Variants in EPHB3 observed in about 807,000 individuals in gnomAD.
EPHB3 encodes the protein EPH receptor B3.
EPHB3 carries 33 observed loss-of-function variants against 100.2 expected under a neutral mutation model. The ratio of observed to expected loss-of-function variants is 0.33; its 90% CI spans 0.25 to 0.44. The LOEUF is 0.44. EPHB3 is among the 20% of genes least tolerant of loss of function. The pLI, the probability that EPHB3 is intolerant of heterozygous loss-of-function variation, is 1.00. For missense variants in EPHB3, 1,045 were observed against 1,378.3 expected, an observed-to-expected ratio of 0.76 and a Z score of 3.83; for synonymous variants, 526 against 554.7, an observed-to-expected ratio of 0.95 and a Z score of 0.73.
chr3:184,578,311 T>A lies in EPHB3; in HGVS notation c.1749-103T>A. The A allele has an allele frequency of 1.3e-6, 2 of 1,532,110 alleles. No homozygotes were observed. Among genetic ancestry groups the A allele is most frequent in the South Asian group, 1.2e-5 (1 of 85,402 alleles). The allele number at this position is 1,532,110 out of a possible 1,614,324, so 94.9% of individuals were successfully genotyped here. A position where few individuals can be genotyped will look rare whatever the true frequency, so the allele number is the denominator to read the frequency against. ...AATTGTGGGACTAGGCCCCAGGCCA[T>A]CCCCTGTATCCTCTCCGCCCCTTCT... On this transcript the variant is annotated intron_variant, in intron 8 of 15. Transcript: ENST00000330394. This position sits in a 1 kb window ranked among gnomAD's most constrained non-coding sequence, Gnocchi z 4.7.
chr3:184,581,150 C>A lies in EPHB3; in HGVS notation c.2717C>A (p.Ala906Asp). 1 of 1,614,084 alleles carries A rather than the reference C, an allele frequency of 6.2e-7. No homozygotes were observed. The highest frequency in any genetic ancestry group is 8.5e-7 in the Non-Finnish European group (1 of 1,179,986). Reference protein sequence around the residue: ...IRNAASLKVIASAQSGMSQPL... With the variant: ...IRNAASLKVIDSAQSGMSQPL... Reference sequence around the variant, plus strand: ...AATGCTGCCAGCCTCAAGGTCATTGCCAGCGCTCAGTCTGGGTTAGTACCT... The same window carrying A: ...AATGCTGCCAGCCTCAAGGTCATTGACAGCGCTCAGTCTGGGTTAGTACCT... The change falls in exon 14 of 16, where the codon GCC becomes GAC. Residue 906 changes from alanine (A) to aspartate (D), a missense_variant. Coordinates refer to ENST00000330394, the MANE Select transcript of EPHB3 (RefSeq NM_004443.4).
Position 184,577,512 on chromosome 3 carries a change from C to G in EPHB3, c.1479+45C>G. On this transcript the variant is annotated intron_variant, in intron 6 of 15. Transcript: ENST00000330394. This position sits in a 1 kb window ranked among gnomAD's most constrained non-coding sequence, Gnocchi z 4.9. ...GGAGGAGGCCTTGGGCTGAGCTGGGCTGAGAAAATTACCCCCGGATCATGA... is the reference window on the plus strand; with the variant it reads ...GGAGGAGGCCTTGGGCTGAGCTGGGGTGAGAAAATTACCCCCGGATCATGA... 1 of 1,609,686 alleles carries G rather than the reference C, an allele frequency of 6.2e-7. No individual in the cohort carries two copies. The highest frequency in any genetic ancestry group is 8.5e-7 in the Non-Finnish European group (1 of 1,177,624).
chr3:184,578,554 C>G lies in EPHB3; in HGVS notation c.1801+88C>G. 6.4e-7 allele frequency: 1 copy of G among 1,563,196 alleles called. No individual in the cohort carries two copies. The highest frequency in any genetic ancestry group is 1.7e-5 in the Admixed American group (1 of 58,018). On this transcript the variant is annotated intron_variant, in intron 9 of 15. Transcript: ENST00000330394. The surrounding 1 kb of genome is among the most constrained non-coding windows in gnomAD (Gnocchi z 4.7). The stretch of plus-strand genomic sequence containing the variant: ...CTTCTCCCTGCCTGGGACTTCATTC[C>G]TTAGAGATAAACCCTGAATGCCCCC...
chr3:184,576,103 AG>A lies in EPHB3; in HGVS notation c.1012+121del, dbSNP rs1175248238. ...TTTTCCAGGGAAGGAGCTGAGGCTC[AG>A]GGAAGTTAGATGTTGCGCTCAACAT... On this transcript the variant is annotated intron_variant, in intron 4 of 15. Transcript: ENST00000330394. The A allele has an allele frequency of 4.0e-5, 55 of 1,380,072 alleles. 3 individuals carry two copies. The South Asian group carries it at 6.6e-4, about 17-fold the overall frequency. 85.5% of individuals were successfully genotyped at this position (1,380,072 alleles called of 1,614,324 possible).
At chr3:184,564,507 A>C (rs1009152591) in intron 1 of EPHB3, among the ~76,000 whole-genome samples, 1 of 152,236 alleles carries the variant, frequency 6.6e-6, no homozygotes, top group Admixed American at 6.5e-5. Flanking sequence ...TAATGTGTGC[A>C]AAGTGCTTAG....
In EPHB3 at chr3:184,579,127, T is replaced by C. The variant is rs570765182; in HGVS notation, c.1802-350T>C. On this transcript the variant is annotated intron_variant, in intron 9 of 15. Coordinates refer to ENST00000330394, the MANE Select transcript of EPHB3 (RefSeq NM_004443.4). This position sits in a 1 kb window ranked among gnomAD's most constrained non-coding sequence, Gnocchi z 5.2. ...GGATTGTTTTAGGAAGACAGCGGTA[T>C]GCAGGATAGCTCGGTGGGAAAAGTC... Among the ~76,000 whole-genome samples, 6 of 152,058 alleles carry C rather than the reference T, an allele frequency of 3.9e-5. No homozygotes were observed. The highest frequency in any genetic ancestry group is 1.2e-4 in the African/African-American group (5 of 41,402).
rs1053931791 is a variant in EPHB3, at chr3:184,569,143, G to A, written c.119-2175G>A. ...GAAGGAAGTGAGGGAGAGGGAGGAG[G>A]GAGGCGGCGCGAGGGAGCGGCTGGA... On this transcript the variant is annotated intron_variant, in intron 1 of 15. Coordinates refer to ENST00000330394, the MANE Select transcript of EPHB3 (RefSeq NM_004443.4). The surrounding 1 kb of genome is among the most constrained non-coding windows in gnomAD (Gnocchi z 5.4). Among the ~76,000 whole-genome samples the A allele has an allele frequency of 6.9e-4, 105 of 152,276 alleles. No homozygotes were observed. Among genetic ancestry groups the A allele is most frequent in the Middle Eastern group, 3.4e-3 (1 of 292 alleles).
rs757367016 is a variant in EPHB3, at chr3:184,581,636, G to C, written c.*14G>C. The C allele has an allele frequency of 5.0e-6, 8 of 1,594,174 alleles. No individual in the cohort carries two copies. The East Asian group carries it at 1.6e-4, about 32-fold the overall frequency. ...GTGCAGGTCTGACACCGGCTCCCACGGGGACCCTGAGGACCGTGCAGGGAT... is the reference window on the plus strand; with the variant it reads ...GTGCAGGTCTGACACCGGCTCCCACCGGGACCCTGAGGACCGTGCAGGGAT... On this transcript the variant is annotated 3_prime_UTR_variant, in exon 16 of 16. Coordinates refer to ENST00000330394, the MANE Select transcript of EPHB3 (RefSeq NM_004443.4).
Position 184,572,953 on chromosome 3 carries a change from G to A in EPHB3, c.633G>A (p.Lys211=), listed in dbSNP as rs1387976597. The change falls in exon 3 of 16, where the codon AAG becomes AAA. Residue 211 remains lysine, a synonymous_variant. Coordinates refer to ENST00000330394, the MANE Select transcript of EPHB3 (RefSeq NM_004443.4). The surrounding 1 kb of genome is among the most constrained non-coding windows in gnomAD (Gnocchi z 6.6). ...SLISVRAFYK[K]CASTTAGFAL... The stretch of plus-strand genomic sequence containing the variant: ...TCTCCGTGCGCGCCTTCTACAAGAA[G>A]TGTGCATCCACCACCGCAGGCTTCG... 3 of 1,585,030 alleles carry A rather than the reference G, an allele frequency of 1.9e-6. No individual in the cohort carries two copies. Among genetic ancestry groups the A allele is most frequent in the Non-Finnish European group, 8.6e-7 (1 of 1,164,088 alleles).
At chr3:184,568,798 A>C (rs2108435279) in intron 1 of EPHB3, among the ~76,000 whole-genome samples, 1 of 152,326 alleles carries the variant, frequency 6.6e-6, no homozygotes, top group South Asian at 2.1e-4. Context: ...CATGACTCGA[A>C]ACCCAAGTCC....
rs1714592489 is a variant in EPHB3, at chr3:184,573,443, C to T, written c.856+267C>T. Among the ~76,000 whole-genome samples the T allele has an allele frequency of 1.3e-5, 2 of 152,166 alleles. No homozygotes were observed. Among genetic ancestry groups the T allele is most frequent in the South Asian group, 4.1e-4 (2 of 4,826 alleles). ...GAAGAGAAGCATGCAGAATCCTTGG[C>T]AAGCAGGCACCTGGAGAACGCAGTC... On this transcript the variant is annotated intron_variant, in intron 3 of 15. Coordinates refer to ENST00000330394, the MANE Select transcript of EPHB3 (RefSeq NM_004443.4). This position sits in a 1 kb window ranked among gnomAD's most constrained non-coding sequence, Gnocchi z 4.5.
In EPHB3 at chr3:184,581,461, C is replaced by G. The variant is rs1002854397; in HGVS notation, c.2888+53C>G. 3.1e-6 allele frequency: 5 copies of G among 1,593,308 alleles called. No individual in the cohort carries two copies. The African/African-American group carries it at 6.7e-5, about 21-fold the overall frequency. ...AGGGCAGGGGGCCCTAGGCTGGGCC[C>G]AGAGTTGAGGGCACGAGGAAAGGGA... On this transcript the variant is annotated intron_variant, in intron 15 of 15. Transcript: ENST00000330394.
In EPHB3 at chr3:184,578,222, G is replaced by A; in HGVS notation, c.1749-192G>A. 1.1e-6 allele frequency: 1 copy of A among 899,618 alleles called. No homozygotes were observed. The highest frequency in any genetic ancestry group is 1.7e-5 in the South Asian group (1 of 58,638). The allele number at this position is 899,618 out of a possible 1,614,324, so 55.7% of individuals were successfully genotyped here. A position where few individuals can be genotyped will look rare whatever the true frequency, so the allele number is the denominator to read the frequency against. ...ACCCCATTCCCTGAATCTCCGGGCA[G>A]GTTCCCTAGGGACTGAGTCCACTGA... On this transcript the variant is annotated intron_variant, in intron 8 of 15. Transcript: ENST00000330394. The surrounding 1 kb of genome is among the most constrained non-coding windows in gnomAD (Gnocchi z 4.7).
rs1037018342 is a variant in EPHB3 at position 184,579,139 on chromosome 3, C to T, written c.1802-338C>T. 1.3e-5 allele frequency among the ~76,000 whole-genome samples: 2 copies of T among 152,102 alleles called. No homozygotes were observed. Among genetic ancestry groups the T allele is most frequent in the South Asian group, 2.1e-4 (1 of 4,800 alleles). ...GAAGACAGCGGTATGCAGGATAGCTCGGTGGGAAAAGTCCAGAGGCAGAGA... is the reference window on the plus strand; with the variant it reads ...GAAGACAGCGGTATGCAGGATAGCTTGGTGGGAAAAGTCCAGAGGCAGAGA... On this transcript the variant is annotated intron_variant, in intron 9 of 15. Coordinates refer to ENST00000330394, the MANE Select transcript of EPHB3 (RefSeq NM_004443.4). The surrounding 1 kb of genome is among the most constrained non-coding windows in gnomAD (Gnocchi z 5.2).
chr3:184,578,067 G>A lies in EPHB3; in HGVS notation c.1748+61G>A. ...TCGAACTGCCCTTTAGCATCCTAGA[G>A]CCCTCATGCCACAGAGATGAGCCGC... On this transcript the variant is annotated intron_variant, in intron 8 of 15. Coordinates refer to ENST00000330394, the MANE Select transcript of EPHB3 (RefSeq NM_004443.4). The surrounding 1 kb of genome is among the most constrained non-coding windows in gnomAD (Gnocchi z 4.7). 1 of 1,560,286 alleles carries A rather than the reference G, an allele frequency of 6.4e-7. No homozygotes were observed. The highest frequency in any genetic ancestry group is 8.8e-7 in the Non-Finnish European group (1 of 1,141,872).
intron 3 of EPHB3, chr3:184,575,162 G>A (rs1714640392): frequency 2.0e-6 from 2 of 985,440 alleles, no homozygotes; most frequent in Non-Finnish European, 1.2e-6. Flanking sequence ...AGGGAAGACT[G>A]GGGAGAAGGG....
Position 184,562,287 on chromosome 3 carries a change from C to A in EPHB3, c.52C>A (p.Pro18Thr). The stretch of plus-strand genomic sequence containing the variant: ...GCCGTCGCCGCCGCCGGGGCTTCTG[C>A]CGCTGCTCCCTCCGCTGCTGCTGCT... ...PPPSPPPGLL[P>T]LLPPLLLLPL... The change falls in exon 1 of 16, where the codon CCG (proline) becomes ACG (threonine). Residue 18 changes from proline to threonine, a missense_variant. By Grantham distance (38) the Pro-to-Thr change is conservative. Coordinates refer to ENST00000330394, the MANE Select transcript of EPHB3 (RefSeq NM_004443.4). This position sits in a 1 kb window ranked among gnomAD's most constrained non-coding sequence, Gnocchi z 4.8. 1 of 1,235,366 alleles carries A rather than the reference C, an allele frequency of 8.1e-7. No individual in the cohort carries two copies. The highest frequency in any genetic ancestry group is 3.5e-5 in the East Asian group (1 of 28,536). 76.5% of individuals were successfully genotyped at this position (1,235,366 alleles called of 1,614,324 possible).
At chr3:184,575,577 C>T (rs557736936) in intron 3 of EPHB3, among the ~76,000 whole-genome samples, 2 of 150,028 alleles carry the variant, frequency 1.3e-5, no homozygotes, top group South Asian at 4.3e-4. Flanking sequence ...CTGACGTCTT[C>T]GTCCATGAGG....
intron 1 of EPHB3, among the ~76,000 whole-genome samples, chr3:184,567,159 C>T (rs1434628626): frequency 6.6e-6 from 1 of 152,190 alleles, no homozygotes; most frequent in African/African-American, 2.4e-5. Context: ...GTTACTTGGG[C>T]AGCGGCTATA....
Sources: allele counts gnomAD v4.1 joint callset (sites outside exome capture counted in the v4.1 genomes callset), GRCh38; gene constraint gnomAD v4.1.1; non-coding constraint Gnocchi (gnomAD v3.1); transcripts MANE v1.5; gene names NCBI Gene and HGNC (gene_info 2026-07-23, HGNC 2026-07-21).